The following DAAM2 variants were observed in gnomAD, a reference collection of about 807,000 sequenced individuals.
DAAM2 encodes the protein dishevelled associated activator of morphogenesis 2.
A neutral mutation model predicts 120.7 loss-of-function variants in DAAM2; 39 were observed. That is an observed-to-expected ratio of 0.32 (90% CI 0.25 to 0.42). DAAM2 has a LOEUF of 0.42. DAAM2 is among the 10% of genes least tolerant of loss of function. The probability of loss-of-function intolerance (pLI) is 1.00; values close to 1 mark genes in which losing one functional copy is unlikely to be tolerated. For missense variants in DAAM2, 1,283 were observed against 1,401.7 expected (o/e 0.92, Z 1.35); for synonymous variants, 488 against 524.9 (o/e 0.93, Z 0.96).
rs1761654506 is a variant in DAAM2 at position 39,794,881 on chromosome 6, C to G, written c.-57+2416C>G. Among the ~76,000 whole-genome samples, 2 of 152,160 alleles carry G rather than the reference C, an allele frequency of 1.3e-5. 1 individual carries two copies. The highest frequency in any genetic ancestry group is 1.3e-4 in the Admixed American group (2 of 15,280). On this transcript the variant is annotated intron_variant, in intron 1 of 24. Transcript: ENST00000274867. ...ATTTCCATTATTTAAACATAGAAGACTACCCAGGGACAGAAGGGACCCCTC... is the reference window on the plus strand; with the variant it reads ...ATTTCCATTATTTAAACATAGAAGAGTACCCAGGGACAGAAGGGACCCCTC...
chr6:39,862,797 C>A (rs1296777852), intron 3 of DAAM2: 1 of 83,130 alleles, frequency 1.2e-5, no homozygotes, highest in Admixed American at 1.9e-4. Flanking sequence ...AAGAGCGAAA[C>A]TCCATCTCAA....
At chr6:39,889,054 A>G in intron 17 of DAAM2, 1 of 227,504 alleles carries the variant, frequency 4.4e-6, no homozygotes, top group Non-Finnish European at 8.6e-6. Context: ...CCTTTGGGAA[A>G]CCTAGAAAAC....
intron 1 of DAAM2, among the ~76,000 whole-genome samples, chr6:39,827,673 A>T (rs1762724752): frequency 6.6e-6 from 1 of 151,580 alleles, no homozygotes; most frequent in Non-Finnish European, 1.5e-5. Flanking sequence ...TGCCTGGATT[A>T]CTCTTCAGGG....
At chr6:39,864,581 AC>A in intron 4 of DAAM2, 74 bp downstream of exon 4, 1 of 1,090,292 alleles carries the variant, frequency 9.2e-7, no homozygotes. Context: ...CCCAGCCCCC[AC>A]CCCCCACACA....
chr6:39,868,775 T>G (rs1445823823), intron 6 of DAAM2, 48 bp from the exon 7 acceptor site: 2 of 1,405,776 alleles, frequency 1.4e-6, no homozygotes, highest in Non-Finnish European at 9.9e-7. Context: ...GCCACACCTG[T>G]TGGGAACTCA....
chr6:39,869,781 A>T lies in DAAM2; in HGVS notation c.874-559A>T, dbSNP rs147711296. On this transcript the variant is annotated intron_variant, in intron 7 of 24. Transcript: ENST00000274867. ...TTTTTTTTTTTTTTTTTTTTTTTTT[A>T]AAAACAATTTATCTTTATGCCCTGG... Among the ~76,000 whole-genome samples, 570 of 101,024 alleles carry T rather than the reference A, an allele frequency of 5.6e-3. 3 individuals are homozygous for T. Among genetic ancestry groups the T allele is most frequent in the Non-Finnish European group, 7.5e-3 (356 of 47,674 alleles). The allele number at this position is 101,024 out of a possible 152,430, so 66.3% of individuals were successfully genotyped here. A position where few individuals can be genotyped will look rare whatever the true frequency, so the allele number is the denominator to read the frequency against.
chr6:39,855,378 C>T (rs1763958448), intron 1 of DAAM2, among the ~76,000 whole-genome samples: 1 of 152,120 alleles, frequency 6.6e-6, no homozygotes, highest in Admixed American at 6.5e-5. Flanking sequence ...CCCTTTCTGT[C>T]CAATGACTAC....
intron 14 of DAAM2, chr6:39,879,873 C>G (rs180949596): frequency 6.0e-5 from 20 of 334,344 alleles, no homozygotes; most frequent in East Asian, 2.7e-4. Context: ...ACAATGTATA[C>G]AAAGGACTAA....
chr6:39,849,240 G>T (rs1256022112), intron 1 of DAAM2, among the ~76,000 whole-genome samples: 2 of 152,192 alleles, frequency 1.3e-5, no homozygotes, highest in African/African-American at 4.8e-5. Context: ...TTAAATGAAT[G>T]TGCATGACTG....
In DAAM2 at chr6:39,875,404, G is replaced by A. The variant is rs1435790953; in HGVS notation, c.1237G>A (p.Glu413Lys). ...CCTCCAGCAGATTGTCCTCCAGGAT[G>A]AGCGGGGTGTGGACCCTGACCTGGC... is the stretch of plus-strand genomic sequence containing the variant. ...RILQQIVLQD[E>K]RGVDPDLAPL... is the part of the protein sequence containing the mutation. Residue 413 changes from glutamate to lysine, a missense_variant, in exon 11 of 25, where the codon GAG (glutamate) becomes AAG (lysine). Coordinates refer to ENST00000274867, the MANE Select transcript of DAAM2 (RefSeq NM_001201427.2). 1 of 1,613,976 alleles carries A rather than the reference G, an allele frequency of 6.2e-7. No homozygotes were observed.
intron 14 of DAAM2, chr6:39,881,774 T>C (rs1342447322): frequency 6.6e-6 from 1 of 152,146 alleles, no homozygotes; most frequent in Non-Finnish European, 1.5e-5. Flanking sequence ...ACAAAGTACT[T>C]GGAACAGTGA....
chr6:39,843,539 T>C (rs1763436896), intron 1 of DAAM2, among the ~76,000 whole-genome samples: 1 of 152,166 alleles, frequency 6.6e-6, no homozygotes, highest in South Asian at 2.1e-4. Flanking sequence ...CTGGAGAAGA[T>C]GGGCAGGGCC....
chr6:39,852,566 C>G (rs966359316), intron 1 of DAAM2, among the ~76,000 whole-genome samples: 2 of 152,186 alleles, frequency 1.3e-5, no homozygotes, highest in Non-Finnish European at 2.9e-5. Context: ...ACCTTGCTGG[C>G]GATGATGGGA....
intron 16 of DAAM2, 121 bp from the exon 17 acceptor site, chr6:39,888,558 G>A: frequency 2.8e-6 from 2 of 709,524 alleles, no homozygotes; most frequent in South Asian, 4.4e-5. Context: ...GAGGAGGTGA[G>A]GGGGGAATAC....
chr6:39,887,277 CCCA>C (rs1317009692), intron 15 of DAAM2: 5 of 513,162 alleles, frequency 9.7e-6, no homozygotes, highest in Non-Finnish European at 3.5e-6. Flanking sequence ...GGTGTCCTTC[CCCA>C]ACCCATTGGA....
At position 39,832,105 on chromosome 6, in the gene DAAM2, G is replaced by T. The variant is rs116498679; in HGVS notation, c.-56-24142G>T. On this transcript the variant is annotated intron_variant, in intron 1 of 24. Coordinates refer to ENST00000274867, the MANE Select transcript of DAAM2 (RefSeq NM_001201427.2). ...ACTGGGGGAACAGGTGTACTGGGGGGACAGGTACGCTAGGGAGGCAGGTGC... is the reference window on the plus strand; with the variant it reads ...ACTGGGGGAACAGGTGTACTGGGGGTACAGGTACGCTAGGGAGGCAGGTGC... 7.3e-3 allele frequency among the ~76,000 whole-genome samples: 1,098 copies of T among 150,944 alleles called. 8 individuals carry two copies. Among genetic ancestry groups the T allele is most frequent in the Middle Eastern group, 0.024 (7 of 294 alleles).
intron 1 of DAAM2, among the ~76,000 whole-genome samples, chr6:39,801,128 A>G (rs1401771077): frequency 6.6e-6 from 1 of 152,212 alleles, no homozygotes; most frequent in Non-Finnish European, 1.5e-5. Flanking sequence ...ACCTGGAAAA[A>G]TGCTACAAGT....
chr6:39,856,829 C>T (rs1327816876), intron 2 of DAAM2, among the ~76,000 whole-genome samples: 5 of 152,166 alleles, frequency 3.3e-5, no homozygotes, highest in African/African-American at 1.2e-4. Context: ...TCTTCTGCTC[C>T]TTGGAGTTTC....
At chr6:39,886,169 G>A (rs530592312) in intron 15 of DAAM2, 15 of 370,974 alleles carry the variant, frequency 4.0e-5, no homozygotes, top group South Asian at 1.5e-4. Flanking sequence ...AGTGGTGGTC[G>A]CACTAGGCAG....
Sources: allele counts gnomAD v4.1 joint callset (sites outside exome capture counted in the v4.1 genomes callset), GRCh38; gene constraint gnomAD v4.1.1; transcripts MANE v1.5; gene names NCBI Gene and HGNC (gene_info 2026-07-23, HGNC 2026-07-21).